The following MDGA2 variants were observed in gnomAD, a reference collection of about 807,000 sequenced individuals.
MDGA2 encodes MAM domain containing glycosylphosphatidylinositol anchor 2.
Under a neutral mutation model 117.8 loss-of-function variants are expected in MDGA2, and 40 were observed. The observed-to-expected ratio is 0.34, with a 90% CI of 0.26 to 0.44. The LOEUF is 0.44. Among genes scored for constraint, MDGA2 ranks in the 20% least tolerant of loss-of-function variants. MDGA2 has a pLI of 1.00. For synonymous variants in MDGA2, 452 were observed against 439.0 expected (o/e 1.03, Z -0.37); for missense variants, 1,123 against 1,250.6 (o/e 0.90, Z 1.54).
At chr14:47,344,627 T>C (rs975641467) in intron 1 of MDGA2, among the ~76,000 whole-genome samples, 1 of 152,066 alleles carries the variant, frequency 6.6e-6, no homozygotes, top group Admixed American at 6.6e-5. Context: ...GGTATACTGG[T>C]CCCTTGGCTC....
intron 1 of MDGA2, among the ~76,000 whole-genome samples, chr14:47,556,748 C>T (rs1251125218): frequency 6.6e-6 from 1 of 152,158 alleles, no homozygotes; most frequent in Non-Finnish European, 1.5e-5. Context: ...TAAATAGTTG[C>T]TATTATAGCT....
At chr14:46,846,329 G>A (rs969236423) in intron 15 of MDGA2, among the ~76,000 whole-genome samples, 3 of 151,930 alleles carry the variant, frequency 2.0e-5, no homozygotes, top group Admixed American at 1.3e-4. Flanking sequence ...ATTGAAGCCC[G>A]GAACAAAGTG....
At chr14:47,273,818 C>A (rs1021331420) in intron 2 of MDGA2, among the ~76,000 whole-genome samples, 1 of 152,084 alleles carries the variant, frequency 6.6e-6, no homozygotes, top group Non-Finnish European at 1.5e-5. Flanking sequence ...AGACCTATGC[C>A]AGACCCTGGC....
At chr14:47,241,843 C>G (rs1055431189) in intron 2 of MDGA2, among the ~76,000 whole-genome samples, 1 of 151,660 alleles carries the variant, frequency 6.6e-6, no homozygotes, top group Non-Finnish European at 1.5e-5. Flanking sequence ...CATAGGGGAA[C>G]AAAACAAAAT....
intron 1 of MDGA2, among the ~76,000 whole-genome samples, chr14:47,399,157 A>G (rs1222435654): frequency 1.3e-5 from 2 of 152,210 alleles, no homozygotes; most frequent in Non-Finnish European, 2.9e-5. Flanking sequence ...TAGGCAACAA[A>G]TAAGGGAATG....
chr14:47,322,318 T>C (rs1422092999), intron 1 of MDGA2, among the ~76,000 whole-genome samples: 2 of 152,210 alleles, frequency 1.3e-5, no homozygotes, highest in Non-Finnish European at 2.9e-5. Flanking sequence ...TTAATAGGTA[T>C]TCTACTGACA....
chr14:47,653,572 C>T (rs183722996), intron 1 of MDGA2, among the ~76,000 whole-genome samples: 14 of 152,222 alleles, frequency 9.2e-5, no homozygotes, highest in Admixed American at 9.2e-4. Context: ...CAAACCTCGC[C>T]AAAAGAAGTT....
intron 3 of MDGA2, among the ~76,000 whole-genome samples, chr14:47,199,282 G>T (rs1466626946): frequency 6.6e-6 from 1 of 152,036 alleles, no homozygotes; most frequent in Non-Finnish European, 1.5e-5. Context: ...CATAAAACTT[G>T]ATGTCTAGGT....
intron 1 of MDGA2, among the ~76,000 whole-genome samples, chr14:47,621,394 T>G (rs1417968721): frequency 2.6e-5 from 4 of 152,114 alleles, no homozygotes; most frequent in Non-Finnish European, 5.9e-5. Context: ...CTTGCTCTAT[T>G]GCCCAGGCTG....
chr14:47,432,567 A>G (rs1346292706), intron 1 of MDGA2, among the ~76,000 whole-genome samples: 2 of 152,070 alleles, frequency 1.3e-5, no homozygotes, highest in Non-Finnish European at 2.9e-5. Flanking sequence ...GTCCACCAGT[A>G]TATTTATATT....
intron 2 of MDGA2, among the ~76,000 whole-genome samples, chr14:47,280,710 T>C (rs897186817): frequency 6.6e-6 from 1 of 151,806 alleles, no homozygotes; most frequent in Non-Finnish European, 1.5e-5. Flanking sequence ...GACTCAAAAG[T>C]AAAAAAATGG....
intron 6 of MDGA2, among the ~76,000 whole-genome samples, chr14:47,063,096 CACA>C (rs1306630093): frequency 6.6e-6 from 1 of 152,020 alleles, no homozygotes; most frequent in African/African-American, 2.4e-5. Context: ...AACTTATTCA[CACA>C]ACATTTATGA....
chr14:47,127,265 T>C (rs546768530), intron 5 of MDGA2, among the ~76,000 whole-genome samples: 1 of 152,272 alleles, frequency 6.6e-6, no homozygotes, highest in South Asian at 2.1e-4. Context: ...ATTATAGCAA[T>C]GGTAACTTAT....
chr14:47,094,638 C>T (rs1165834769), intron 6 of MDGA2, among the ~76,000 whole-genome samples: 2 of 151,958 alleles, frequency 1.3e-5, no homozygotes, highest in Non-Finnish European at 2.9e-5. Flanking sequence ...GTATTCATGG[C>T]ACTTAAGGAT....
At chr14:46,963,287 C>A (rs973295499) in intron 8 of MDGA2, among the ~76,000 whole-genome samples, 6 of 152,226 alleles carry the variant, frequency 3.9e-5, no homozygotes, top group Admixed American at 1.3e-4. Flanking sequence ...TGGACTACAA[C>A]AAATTCCCTG....
chr14:47,194,351 C>T lies in MDGA2; in HGVS notation c.595+23670G>A, dbSNP rs147718883. ...AAACTATTTTCAAAGTAGCTTCATT[C>T]TGATGCATATATAGCATAGACAAAT... On this transcript the variant is annotated intron_variant, in intron 3 of 16. Coordinates refer to ENST00000399232, the MANE Select transcript of MDGA2 (RefSeq NM_001113498.3). Among the ~76,000 whole-genome samples, 421 of 152,230 alleles carry T rather than the reference C, an allele frequency of 2.8e-3. 5 individuals are homozygous for T. Among genetic ancestry groups the T allele is most frequent in the African/African-American group, 9.6e-3 (400 of 41,564 alleles).
chr14:47,466,412 A>C (rs565366652), intron 1 of MDGA2, among the ~76,000 whole-genome samples: 2 of 152,224 alleles, frequency 1.3e-5, no homozygotes, highest in South Asian at 4.1e-4. Flanking sequence ...GTCTATGTGA[A>C]AACCGAATTG....
intron 14 of MDGA2, among the ~76,000 whole-genome samples, chr14:46,861,059 A>C (rs1881487435): frequency 6.6e-6 from 1 of 151,732 alleles, no homozygotes; most frequent in African/African-American, 2.4e-5. Flanking sequence ...TTCACCAGAC[A>C]ATTTTTGAGG....
chr14:47,045,362 T>A (rs1889219018), intron 7 of MDGA2, among the ~76,000 whole-genome samples: 1 of 152,054 alleles, frequency 6.6e-6, no homozygotes, highest in Non-Finnish European at 1.5e-5. Flanking sequence ...TTAAAATAAA[T>A]CTCTTAAGAG....
Sources: allele counts gnomAD v4.1 joint callset (sites outside exome capture counted in the v4.1 genomes callset), GRCh38; gene constraint gnomAD v4.1.1; transcripts MANE v1.5; gene names NCBI Gene and HGNC (gene_info 2026-07-23, HGNC 2026-07-21).